The following PKD1L3 variants were observed in gnomAD, a reference collection of about 807,000 sequenced individuals.
PKD1L3 encodes polycystin-1-like protein 3.
Under a neutral mutation model 184.1 loss-of-function variants are expected in PKD1L3, and 239 were observed. The ratio of observed to expected loss-of-function variants is 1.30; its 90% confidence interval spans 1.17 to 1.45. PKD1L3 has a LOEUF of 1.45. Among genes scored for constraint, PKD1L3 ranks in the 40% most tolerant of loss-of-function variants. PKD1L3 has a pLI of 0.00. For missense variants in PKD1L3, 2,660 were observed against 2,067.2 expected (o/e 1.29, Z -5.56); for synonymous variants, 996 against 778.8 (o/e 1.28, Z -4.64).
intron 2 of PKD1L3, among the ~76,000 whole-genome samples, chr16:71,994,024 C>T (rs574192122): frequency 6.6e-6 from 1 of 152,172 alleles, no homozygotes; most frequent in Non-Finnish European, 1.5e-5. Flanking sequence ...CCCGCCTTGG[C>T]CTCCCAAAGT....
At chr16:71,977,825 T>C (rs184043593) in intron 10 of PKD1L3, among the ~76,000 whole-genome samples, 3 of 152,242 alleles carry the variant, frequency 2.0e-5, no homozygotes, top group African/African-American at 7.2e-5. Flanking sequence ...CCCAGGCTGG[T>C]GTGCAGCAGT....
chr16:71,958,132 A>G (rs1436482979), intron 16 of PKD1L3, among the ~76,000 whole-genome samples: 2 of 152,178 alleles, frequency 1.3e-5, no homozygotes, highest in African/African-American at 4.8e-5. Context: ...TCACGCCTGT[A>G]ATCCCAGCAC....
At chr16:71,949,578 C>T (rs1313177532) in intron 21 of PKD1L3, among the ~76,000 whole-genome samples, 1 of 152,020 alleles carries the variant, frequency 6.6e-6, no homozygotes, top group Non-Finnish European at 1.5e-5. Context: ...GTCTCGAACA[C>T]CTGGACTCAA....
chr16:71,930,425 G>A (rs2037903370), intron 28 of PKD1L3: 2 of 337,710 alleles, frequency 5.9e-6, no homozygotes, highest in Non-Finnish European at 5.3e-6. Context: ...AAACAGGTGA[G>A]TTGCAGTGGA....
In PKD1L3 at chr16:71,977,560, C is replaced by CTTTTTTTTTTTTTTTTTTTTTTTT. The variant is rs1555523481; in HGVS notation, c.1528-94_1528-93insAAAAAAAAAAAAAAAAAAAAAAAA. On this transcript the variant is annotated intron_variant, in intron 10 of 29. Coordinates refer to ENST00000620267, the MANE Select transcript of PKD1L3 (RefSeq NM_181536.2). ...GATAAGGTAAGGAAACGTCCTAGCT[C>CTTTTTTTTTTTTTTTTTTTTTTTT]TTTTTTTTTTTTTTTTTTTTGAGAT... 4.0e-6 allele frequency: 2 copies of CTTTTTTTTTTTTTTTTTTTTTTTT among 500,298 alleles called. 1 individual carries two copies. Among genetic ancestry groups the CTTTTTTTTTTTTTTTTTTTTTTTT allele is most frequent in the Non-Finnish European group, 6.1e-6 (2 of 326,592 alleles). The allele number at this position is 500,298 out of a possible 1,614,324, so 31.0% of individuals were successfully genotyped here.
chr16:71,965,451 T>C (rs1207182281), intron 15 of PKD1L3, among the ~76,000 whole-genome samples: 1 of 152,138 alleles, frequency 6.6e-6, no homozygotes. Context: ...CACAAGAAAC[T>C]GGCAAGCTGT....
At chr16:71,986,643 ATTAC>A (rs1388269076) in intron 4 of PKD1L3, among the ~76,000 whole-genome samples, 174 bp from the exon 5 acceptor site, 1 of 152,198 alleles carries the variant, frequency 6.6e-6, no homozygotes, top group Non-Finnish European at 1.5e-5. Context: ...AAATCTGCAT[ATTAC>A]TTGAGATTCA....
rs143353213 is a variant in PKD1L3, at chr16:71,970,075, G to A, written c.1984C>T (p.Gln662Ter). ...VGPQSTILRTQCLCNHLTFFA... is the reference protein window; with the variant it reads ...VGPQSTILRT ...AAGGTCAGGTGGTTACAGAGACACT[G>A]TGTCCTCAGAATTGTGCTCTGTGGC... Residue 662 changes from glutamine (Q) to a stop codon, truncating the protein, a stop_gained, in exon 13 of 30, where the codon CAG becomes TAG. Transcript: ENST00000620267. LOFTEE classifies it high-confidence loss of function. 7.1e-5 allele frequency: 110 copies of A among 1,551,726 alleles called. 1 individual carries two copies. In the Middle Eastern group the frequency reaches 1.5e-3, roughly 21 times the overall value.
chr16:71,951,871 T>C, intron 18 of PKD1L3, 127 bp from the exon 19 acceptor site: 1 of 808,388 alleles, frequency 1.2e-6, no homozygotes, highest in Non-Finnish European at 1.9e-6. Flanking sequence ...GAACCTCAAT[T>C]TTTCATGTTC....
At chr16:71,933,675 CAT>C (rs1443814561) in intron 27 of PKD1L3, among the ~76,000 whole-genome samples, 154 bp from the exon 28 acceptor site, 2 of 152,158 alleles carry the variant, frequency 1.3e-5, no homozygotes, top group African/African-American at 2.4e-5. Flanking sequence ...TTTGTAATAA[CAT>C]AGTGTTTTCA....
chr16:71,942,464 G>A lies in PKD1L3; in HGVS notation c.4324+96C>T, dbSNP rs570421933. The A allele has an allele frequency of 4.6e-6, 5 of 1,088,774 alleles. No homozygotes were observed. The South Asian group carries it at 6.5e-5, about 14-fold the overall frequency. 67.4% of individuals were successfully genotyped at this position (1,088,774 alleles called of 1,614,324 possible). The stretch of plus-strand genomic sequence containing the variant: ...ATTTACCTCTCTTGTACTCTTCCAG[G>A]AAGTTACCTTCAATGAAACCACATT... On this transcript the variant is annotated intron_variant, in intron 24 of 29. Transcript: ENST00000620267.
At chr16:71,933,262 A>C (rs1043549049) in intron 28 of PKD1L3, among the ~76,000 whole-genome samples, 158 bp downstream of exon 28, 5 of 152,296 alleles carry the variant, frequency 3.3e-5, no homozygotes, top group Middle Eastern at 3.4e-3. Flanking sequence ...TAAATGCTGT[A>C]TGCATAGGCA....
At chr16:71,946,425 T>C (rs1331151448) in intron 22 of PKD1L3, among the ~76,000 whole-genome samples, 3 of 152,154 alleles carry the variant, frequency 2.0e-5, no homozygotes, top group Non-Finnish European at 4.4e-5. Context: ...ATATATAACC[T>C]CTTGTCAAGA....
chr16:71,973,665 G>GTATCACTGGTC, intron 11 of PKD1L3, 148 bp from the exon 12 acceptor site: 1 of 801,314 alleles, frequency 1.2e-6, no homozygotes, highest in Non-Finnish European at 1.9e-6. Context: ...AATGACCAGT[G>GTATCACTGGTC]ATACAACCCT....
intron 16 of PKD1L3, among the ~76,000 whole-genome samples, chr16:71,957,867 C>T (rs11647844): frequency 0.47 from 70,764 of 151,894 alleles, 17,176 homozygotes; most frequent in South Asian, 0.57. Flanking sequence ...TTACTAGAGC[C>T]AAAGACATTT....
intron 2 of PKD1L3, among the ~76,000 whole-genome samples, chr16:71,996,246 C>A (rs950457628): frequency 3.5e-5 from 5 of 142,870 alleles, no homozygotes; most frequent in South Asian, 2.2e-4. Context: ...TGACCCACCT[C>A]CCCCGCCTTT....
intron 21 of PKD1L3, 28 bp downstream of exon 21, chr16:71,949,754 TC>T: frequency 6.5e-7 from 1 of 1,535,350 alleles, no homozygotes; most frequent in Non-Finnish European, 8.8e-7. Context: ...CTTCTGCAAC[TC>T]CAATGGTTCT....
chr16:71,984,056 T>C lies in PKD1L3; in HGVS notation c.946A>G (p.Arg316Gly). ...FLQKLTALTPRFSKPAQVNLI... is the reference protein window; with the variant it reads ...FLQKLTALTPGFSKPAQVNLI... ...CTTACCTGAGCTGGCTTAGAAAATC[T>C]TGGGGTTAAGGCTGTTAGTTTCTGG... Residue 316 changes from arginine to glycine, a missense_variant, in exon 6 of 30, where the codon AGA becomes GGA. Transcript: ENST00000620267. 2 of 1,552,284 alleles carry C rather than the reference T, an allele frequency of 1.3e-6. No individual in the cohort carries two copies. Among genetic ancestry groups the C allele is most frequent in the Non-Finnish European group, 1.7e-6 (2 of 1,147,082 alleles).
At chr16:71,999,038 G>A (rs577369354) in intron 1 of PKD1L3, among the ~76,000 whole-genome samples, 207 of 152,072 alleles carry the variant, frequency 1.4e-3, no homozygotes, top group African/African-American at 4.9e-3. Context: ...TTTGGAGGCC[G>A]AGGCGGGCGG....
Sources: gnomAD v4.1 joint callset for allele counts (sites outside exome capture counted in the v4.1 genomes callset) on GRCh38, gnomAD v4.1.1 for gene constraint, MANE v1.5 for transcripts, NCBI Gene and HGNC (gene_info 2026-07-23, HGNC 2026-07-21) for gene names.